C1QTNF3: variants seen among roughly 807,000 people sequenced by gnomAD.
The protein encoded by C1QTNF3 is C1q and TNF related 3.
In C1QTNF3, 26 loss-of-function variants were observed where a neutral mutation model predicts 32.6. The observed-to-expected ratio is 0.80, with a 90% CI of 0.58 to 1.11. The LOEUF (loss-of-function observed/expected upper bound fraction) is 1.11. Among genes scored for constraint, C1QTNF3 ranks in the 50% least tolerant of loss-of-function variants. The pLI is 0.00. For synonymous variants in C1QTNF3, 155 were observed against 146.0 expected (o/e 1.06, Z -0.44); for missense variants, 362 against 398.2 (o/e 0.91, Z 0.77).
the C1QTNF3 span, among the ~76,000 whole-genome samples, chr5:34,178,067 G>T: frequency 8.2e-6 from 1 of 122,206 alleles, no homozygotes; most frequent in Non-Finnish European, 1.6e-5. Context: ...AAAAGTTCAA[G>T]ACCAGCCTGA....
chr5:34,184,430 A>T, the C1QTNF3 span, among the ~76,000 whole-genome samples: 32 of 152,222 alleles, frequency 2.1e-4, no homozygotes, highest in African/African-American at 6.8e-4. Context: ...TTAAAAAGTC[A>T]ACGCCGGGCA....
chr5:34,223,499 T>C, the C1QTNF3 span, among the ~76,000 whole-genome samples: 1 of 151,070 alleles, frequency 6.6e-6, no homozygotes, highest in Non-Finnish European at 1.5e-5. Context: ...TGTGTCTTTA[T>C]AGCAGCATGA....
At chr5:34,200,675 T>G in the C1QTNF3 span, 1 of 152,170 alleles carries the variant, frequency 6.6e-6, no homozygotes, top group Non-Finnish European at 1.5e-5. Context: ...TTAAAAAACT[T>G]GACCCACAAA....
At chr5:34,231,364 A>T in the C1QTNF3 span, among the ~76,000 whole-genome samples, 2 of 152,160 alleles carry the variant, frequency 1.3e-5, no homozygotes, top group Non-Finnish European at 2.9e-5. Flanking sequence ...GTGCTCATTT[A>T]AATAATATGG....
chr5:34,124,404 A>G, the C1QTNF3 span: 1 of 715,714 alleles, frequency 1.4e-6, no homozygotes, highest in Non-Finnish European at 2.6e-6. Flanking sequence ...GCTGTGTAGG[A>G]AGCATAGTGA....
the C1QTNF3 span, among the ~76,000 whole-genome samples, chr5:34,112,717 T>A: frequency 4.6e-5 from 7 of 152,100 alleles, no homozygotes; most frequent in East Asian, 9.7e-4. Flanking sequence ...AAGCAGTAGG[T>A]TTTGCATACA....
the C1QTNF3 span, among the ~76,000 whole-genome samples, chr5:34,223,642 T>C: frequency 6.6e-6 from 1 of 151,860 alleles, no homozygotes; most frequent in Non-Finnish European, 1.5e-5. Flanking sequence ...ACCAACAGTG[T>C]AAAAGTGTTC....
chr5:34,104,121 T>G, the C1QTNF3 span, among the ~76,000 whole-genome samples: 2 of 108,324 alleles, frequency 1.8e-5, no homozygotes, highest in Admixed American at 1.0e-4. Flanking sequence ...TAAAGGACAT[T>G]CTACAAAATA....
chr5:34,114,837 C>T, the C1QTNF3 span, among the ~76,000 whole-genome samples: 1 of 152,096 alleles, frequency 6.6e-6, no homozygotes, highest in African/African-American at 2.4e-5. Context: ...TTAATTTCAT[C>T]ACTTTTTCCA....
chr5:34,109,222 G>GTAACTCAA, the C1QTNF3 span, among the ~76,000 whole-genome samples: 11 of 146,526 alleles, frequency 7.5e-5, no homozygotes, highest in African/African-American at 2.8e-4. Flanking sequence ...GCCTCCAAGA[G>GTAACTCAA]TAACTCAATC....
intron 5 of C1QTNF3, among the ~76,000 whole-genome samples, chr5:34,022,938 T>C (rs1425827137): frequency 6.6e-6 from 1 of 152,080 alleles, no homozygotes; most frequent in Non-Finnish European, 1.5e-5. Context: ...TTACTGCAAG[T>C]TCCGCCTCCT....
chr5:34,121,198 T>C, the C1QTNF3 span, among the ~76,000 whole-genome samples: 20 of 152,362 alleles, frequency 1.3e-4, no homozygotes, highest in Non-Finnish European at 1.5e-4. Flanking sequence ...TCACTTCATT[T>C]TATATTTCAT....
chr5:34,154,783 T>A, the C1QTNF3 span, among the ~76,000 whole-genome samples: 19 of 152,126 alleles, frequency 1.2e-4, no homozygotes, highest in Admixed American at 1.2e-3. Flanking sequence ...GAACTATCTC[T>A]GGGCATGAAC....
the C1QTNF3 span, among the ~76,000 whole-genome samples, chr5:34,171,390 T>A: frequency 6.6e-6 from 1 of 151,424 alleles, no homozygotes; most frequent in African/African-American, 2.4e-5. Flanking sequence ...TACTATAAAT[T>A]CTGAATTCCT....
chr5:34,057,629 T>C, the C1QTNF3 span, among the ~76,000 whole-genome samples: 1 of 152,218 alleles, frequency 6.6e-6, no homozygotes, highest in Non-Finnish European at 1.5e-5. Flanking sequence ...CTAGAATATT[T>C]AATGTATTTT....
At chr5:34,120,432 T>G in the C1QTNF3 span, among the ~76,000 whole-genome samples, 1 of 151,924 alleles carries the variant, frequency 6.6e-6, no homozygotes, top group Non-Finnish European at 1.5e-5. Flanking sequence ...AAAAGGCAAA[T>G]GGAAATTTGA....
At chr5:34,115,209 C>A in the C1QTNF3 span, among the ~76,000 whole-genome samples, 4 of 151,976 alleles carry the variant, frequency 2.6e-5, no homozygotes, top group African/African-American at 9.7e-5. Context: ...TTTGTTTCAC[C>A]TTGTTGCTGT....
chr5:34,136,676 G>C, the C1QTNF3 span, among the ~76,000 whole-genome samples: 2 of 152,292 alleles, frequency 1.3e-5, no homozygotes, highest in Admixed American at 1.3e-4. Context: ...TATAAATCAT[G>C]CTACTATAAA....
chr5:34,021,628 T>C (rs554797645), intron 5 of C1QTNF3, among the ~76,000 whole-genome samples: 2 of 152,312 alleles, frequency 1.3e-5, no homozygotes, highest in South Asian at 4.2e-4. Flanking sequence ...CATGAAGCTG[T>C]AAGTCATCAT....
Sources: gnomAD v4.1 joint callset for allele counts (sites outside exome capture counted in the v4.1 genomes callset) on GRCh38, gnomAD v4.1.1 for gene constraint, MANE v1.5 for transcripts, NCBI Gene and HGNC (gene_info 2026-07-23, HGNC 2026-07-21) for gene names.